OTOGL: variants seen among roughly 807,000 people sequenced by gnomAD.
OTOGL encodes the protein otogelin like.
A neutral mutation model predicts 318.5 loss-of-function variants in OTOGL; 285 were observed. The observed-to-expected ratio is 0.89, with a 90% CI of 0.81 to 0.99. The LOEUF is 0.99. Among genes scored for constraint, OTOGL ranks in the 50% least tolerant of loss-of-function variants. OTOGL has a pLI of 0.00. For synonymous variants in OTOGL, 987 were observed against 936.5 expected (o/e 1.05, Z -0.99); for missense variants, 2,899 against 2,845.6 (o/e 1.02, Z -0.43).
chr12:80,250,078 G>T (rs1417088393), intron 11 of OTOGL, among the ~76,000 whole-genome samples: 1 of 152,090 alleles, frequency 6.6e-6, no homozygotes, highest in Non-Finnish European at 1.5e-5. Flanking sequence ...ACTCCCTAGT[G>T]AGATGAACCC....
chr12:80,153,004 A>T (rs1358956792), intron 1 of OTOGL, among the ~76,000 whole-genome samples: 1 of 152,152 alleles, frequency 6.6e-6, no homozygotes, highest in Non-Finnish European at 1.5e-5. Context: ...CGTGTCATCA[A>T]TTTTTTAAAT....
chr12:80,126,516 G>C (rs1323948365), intron 1 of OTOGL, among the ~76,000 whole-genome samples: 1 of 152,186 alleles, frequency 6.6e-6, no homozygotes, highest in Admixed American at 6.5e-5. Context: ...TGTATATTCT[G>C]TTGATTTGGG....
intron 36 of OTOGL, 109 bp downstream of exon 36, chr12:80,328,853 T>C: frequency 8.8e-7 from 1 of 1,140,416 alleles, no homozygotes; most frequent in Non-Finnish European, 1.3e-6. Context: ...TCAACTCTCA[T>C]AAGATTATTC....
chr12:80,208,203 A>G (rs768229509), intron 1 of OTOGL: 8 of 517,958 alleles, frequency 1.5e-5, no homozygotes, highest in South Asian at 1.1e-4. Context: ...TATTTCGGCA[A>G]TGGAAAGGAA....
chr12:80,217,474 A>G, intron 4 of OTOGL, 124 bp from the exon 5 acceptor site: 1 of 719,664 alleles, frequency 1.4e-6, no homozygotes, highest in Admixed American at 2.7e-5. Context: ...ATAACCCCAG[A>G]AAATATAAAG....
intron 35 of OTOGL, among the ~76,000 whole-genome samples, chr12:80,328,319 AAAC>A (rs3045899): frequency 0.079 from 11,699 of 148,792 alleles, 502 homozygotes; most frequent in Middle Eastern, 0.17. Context: ...ACCCTGTCAC[AAAC>A]AACAACAACA....
chr12:80,102,691 A>G (rs911835498), intron 1 of OTOGL, among the ~76,000 whole-genome samples: 5 of 152,132 alleles, frequency 3.3e-5, no homozygotes, highest in African/African-American at 1.2e-4. Context: ...TTTGAAAAAT[A>G]TGTCAGACTG....
chr12:80,128,424 G>A (rs1395112855), intron 1 of OTOGL, among the ~76,000 whole-genome samples: 2 of 152,194 alleles, frequency 1.3e-5, no homozygotes, highest in African/African-American at 2.4e-5. Context: ...GGAGTACCCG[G>A]CTATGTGAGG....
intron 50 of OTOGL, 63 bp downstream of exon 50, chr12:80,358,412 A>C: frequency 7.8e-7 from 1 of 1,284,110 alleles, no homozygotes; most frequent in Non-Finnish European, 1.1e-6. Context: ...AGCCCAGTGC[A>C]TCTTAGTTGG....
intron 1 of OTOGL, among the ~76,000 whole-genome samples, chr12:80,202,894 C>T (rs539332609): frequency 6.6e-6 from 1 of 152,278 alleles, no homozygotes; most frequent in East Asian, 1.9e-4. Flanking sequence ...TAATAGCATG[C>T]ACATGACTAA....
intron 44 of OTOGL, among the ~76,000 whole-genome samples, chr12:80,347,305 A>AC: frequency 6.7e-6 from 1 of 149,134 alleles, no homozygotes; most frequent in Non-Finnish European, 1.5e-5. Context: ...CTAGTCCCCC[A>AC]CCCCCCGACG....
At chr12:80,262,135 G>A in intron 19 of OTOGL, 42 bp downstream of exon 19, 1 of 1,565,574 alleles carries the variant, frequency 6.4e-7, no homozygotes, top group South Asian at 1.2e-5. Flanking sequence ...GTAAACTTAG[G>A]GAAAAGTTCT....
At chr12:80,187,967 T>C (rs769550584) in intron 1 of OTOGL, among the ~76,000 whole-genome samples, 3 of 152,142 alleles carry the variant, frequency 2.0e-5, no homozygotes, top group Non-Finnish European at 2.9e-5. Context: ...CCACAATGAA[T>C]TGGATTACTG....
At chr12:80,257,718 C>T (rs991023493) in intron 17 of OTOGL, 107 bp from the exon 18 acceptor site, 9 of 1,127,160 alleles carry the variant, frequency 8.0e-6, no homozygotes, top group Non-Finnish European at 1.1e-5. Flanking sequence ...GCCTGCCTCT[C>T]CTCCTTCCCT....
intron 1 of OTOGL, among the ~76,000 whole-genome samples, chr12:80,149,626 C>G (rs1278778893): frequency 6.6e-6 from 1 of 152,148 alleles, no homozygotes; most frequent in African/African-American, 2.4e-5. Flanking sequence ...GCTTTGTTTA[C>G]CTAAGCAAGC....
intron 1 of OTOGL, among the ~76,000 whole-genome samples, chr12:80,129,574 C>A (rs1053171858): frequency 4.6e-5 from 7 of 152,108 alleles, no homozygotes; most frequent in Non-Finnish European, 7.4e-5. Context: ...GAGGGTGGTA[C>A]AACCCTTCCT....
chr12:80,204,309 T>C (rs1032653719), intron 1 of OTOGL, among the ~76,000 whole-genome samples: 14 of 152,184 alleles, frequency 9.2e-5, no homozygotes, highest in African/African-American at 3.4e-4. Context: ...CAGAAGATGA[T>C]AGGCTAACGT....
At chr12:80,230,638 T>A (rs1218585290) in intron 8 of OTOGL, among the ~76,000 whole-genome samples, 1 of 152,180 alleles carries the variant, frequency 6.6e-6, no homozygotes, top group Non-Finnish European at 1.5e-5. Context: ...GATTGTGTGA[T>A]AGAAAAAGGG....
At chr12:80,136,762 G>A (rs7294856) in intron 1 of OTOGL, among the ~76,000 whole-genome samples, 76,102 of 151,860 alleles carry the variant, frequency 0.5, 19,621 homozygotes, top group Middle Eastern at 0.58. Context: ...AACCCTTCCA[G>A]CTATCTCTTC....
Sources: gnomAD v4.1 joint callset for allele counts (sites outside exome capture counted in the v4.1 genomes callset) on GRCh38, gnomAD v4.1.1 for gene constraint, MANE v1.5 for transcripts, NCBI Gene and HGNC (gene_info 2026-07-23, HGNC 2026-07-21) for gene names.